Variants in FIGN observed in about 807,000 individuals in gnomAD.
FIGN encodes fidgetin, microtubule severing factor.
FIGN carries 11 observed loss-of-function variants against 51.3 expected under a neutral mutation model. The ratio of observed to expected loss-of-function variants is 0.21; its 90% CI spans 0.13 to 0.35. The LOEUF (loss-of-function observed/expected upper bound fraction) is 0.35. Ranked by LOEUF, FIGN falls within the 10% of genes least tolerant of loss-of-function variation. The probability of loss-of-function intolerance (pLI) is 1.00; values close to 1 mark genes in which losing one functional copy is unlikely to be tolerated. For synonymous variants in FIGN, 407 were observed against 363.2 expected, an observed-to-expected ratio of 1.12 and a Z score of -1.37; for missense variants, 857 against 943.6, an observed-to-expected ratio of 0.91 and a Z score of 1.20.
At chr2:163,633,669 A>G (rs2105312323) in intron 2 of FIGN, among the ~76,000 whole-genome samples, 1 of 152,284 alleles carries the variant, frequency 6.6e-6, no homozygotes, top group African/African-American at 2.4e-5. Context: ...GGGATAGAAA[A>G]TTTTAAATGC....
intron 2 of FIGN, among the ~76,000 whole-genome samples, chr2:163,671,251 G>T (rs1683870754): frequency 6.6e-6 from 1 of 152,128 alleles, no homozygotes. Context: ...AGTTGAGGAG[G>T]TTTTATAAAT....
At chr2:163,648,803 T>C (rs866129094) in intron 2 of FIGN, among the ~76,000 whole-genome samples, 1 of 152,220 alleles carries the variant, frequency 6.6e-6, no homozygotes, top group African/African-American at 2.4e-5. Flanking sequence ...TGCAAAATAT[T>C]TTCCCATTCT....
chr2:163,643,932 CAAAAA>C (rs1162234909), intron 2 of FIGN, among the ~76,000 whole-genome samples: 435 of 19,064 alleles, frequency 0.023, 3 homozygotes, highest in African/African-American at 0.078. Flanking sequence ...AACTCTGTCT[CAAAAA>C]AAAAAAAAAA....
In FIGN at chr2:163,666,398, A is replaced by G. The variant is rs73017705; in HGVS notation, c.26-54592T>C. 5.4e-3 allele frequency among the ~76,000 whole-genome samples: 827 copies of G among 152,320 alleles called. 5 individuals carry two copies. The highest frequency in any genetic ancestry group is 0.019 in the African/African-American group (790 of 41,568). On this transcript the variant is annotated intron_variant, in intron 2 of 2. Transcript: ENST00000333129. ...GTCTCCTCCAACTGTCCAAAGTTAT[A>G]TGGGTTTTTAGAACCATAGGAGAGT...
intron 2 of FIGN, among the ~76,000 whole-genome samples, chr2:163,689,179 C>CACACACACAT (rs1274143104): frequency 6.6e-6 from 1 of 151,582 alleles, no homozygotes; most frequent in African/African-American, 2.4e-5. Flanking sequence ...AATGAACACA[C>CACACACACAT]ACACACACAC....
intron 2 of FIGN, among the ~76,000 whole-genome samples, chr2:163,693,449 T>C (rs1484908308): frequency 6.6e-6 from 1 of 152,150 alleles, no homozygotes; most frequent in African/African-American, 2.4e-5. Flanking sequence ...ATATAAAGAC[T>C]CATGAGTGAA....
intron 2 of FIGN, among the ~76,000 whole-genome samples, chr2:163,725,553 C>T (rs1455682019): frequency 2.0e-5 from 3 of 151,928 alleles, no homozygotes; most frequent in Non-Finnish European, 4.4e-5. Flanking sequence ...TTTCAAGGAA[C>T]TACCATTACA....
chr2:163,689,195 C>CACACACACACACAG (rs1308327305), intron 2 of FIGN, among the ~76,000 whole-genome samples: 4 of 148,588 alleles, frequency 2.7e-5, no homozygotes, highest in East Asian at 4.0e-4. Flanking sequence ...CACACACACA[C>CACACACACACACAG]AGAAACACAC....
intron 2 of FIGN, among the ~76,000 whole-genome samples, chr2:163,728,577 A>G (rs1481998277): frequency 6.6e-6 from 1 of 152,164 alleles, no homozygotes; most frequent in Non-Finnish European, 1.5e-5. Context: ...TTAATGGTTC[A>G]TTTCCCATCA....
intron 2 of FIGN, among the ~76,000 whole-genome samples, chr2:163,729,178 G>A (rs915390101): frequency 6.6e-6 from 1 of 151,744 alleles, no homozygotes; most frequent in Non-Finnish European, 1.5e-5. Flanking sequence ...CAGTTGAATT[G>A]GGAAAAACAA....
intron 2 of FIGN, among the ~76,000 whole-genome samples, chr2:163,733,559 G>T (rs775477720): frequency 3.3e-5 from 5 of 152,082 alleles, no homozygotes; most frequent in Non-Finnish European, 7.4e-5. Flanking sequence ...CAGCTCCGGG[G>T]GAAAAAAAGC....
intron 2 of FIGN, among the ~76,000 whole-genome samples, chr2:163,696,673 G>A (rs1187900018): frequency 6.6e-6 from 1 of 151,638 alleles, no homozygotes; most frequent in Admixed American, 6.6e-5. Flanking sequence ...GTTTTGTTTT[G>A]TTTTGTTTTT....
intron 2 of FIGN, among the ~76,000 whole-genome samples, chr2:163,642,446 C>G (rs545643498): frequency 6.6e-6 from 1 of 152,190 alleles, no homozygotes; most frequent in Non-Finnish European, 1.5e-5. Context: ...GTTACCTTAG[C>G]TTACCCTTAG....
intron 2 of FIGN, among the ~76,000 whole-genome samples, chr2:163,680,232 T>G (rs1684039885): frequency 6.6e-6 from 1 of 152,234 alleles, no homozygotes; most frequent in South Asian, 2.1e-4. Flanking sequence ...AATTAAGCCT[T>G]CAGAGTCTCC....
At chr2:163,704,334 G>C (rs1243294653) in intron 2 of FIGN, among the ~76,000 whole-genome samples, 1 of 151,936 alleles carries the variant, frequency 6.6e-6, no homozygotes, top group Non-Finnish European at 1.5e-5. Context: ...TTTGAAGTTG[G>C]GTAAACTGAG....
chr2:163,700,525 G>A (rs1354846640), intron 2 of FIGN, among the ~76,000 whole-genome samples: 1 of 152,156 alleles, frequency 6.6e-6, no homozygotes, highest in Non-Finnish European at 1.5e-5. Flanking sequence ...GCCTGGATGA[G>A]AGAAGATGAA....
intron 2 of FIGN, among the ~76,000 whole-genome samples, chr2:163,699,390 A>G (rs1014794252): frequency 5.9e-5 from 9 of 152,162 alleles, no homozygotes; most frequent in African/African-American, 1.9e-4. Flanking sequence ...TACATGTTCA[A>G]AACCACACAG....
At chr2:163,692,372 C>T (rs1172764286) in intron 2 of FIGN, among the ~76,000 whole-genome samples, 1 of 152,184 alleles carries the variant, frequency 6.6e-6, no homozygotes, top group East Asian at 1.9e-4. Context: ...AAAACAAGCT[C>T]AACAATATAT....
chr2:163,717,677 C>T (rs1253494888), intron 2 of FIGN, among the ~76,000 whole-genome samples: 1 of 152,046 alleles, frequency 6.6e-6, no homozygotes, highest in African/African-American at 2.4e-5. Flanking sequence ...CATTTCTATT[C>T]GCTTTGTGCC....
Sources: allele counts gnomAD v4.1 joint callset (sites outside exome capture counted in the v4.1 genomes callset), GRCh38; gene constraint gnomAD v4.1.1; transcripts MANE v1.5; gene names NCBI Gene and HGNC (gene_info 2026-07-23, HGNC 2026-07-21).